Variants in POLA1 observed in about 807,000 individuals in gnomAD.
POLA1 encodes the protein DNA polymerase alpha catalytic subunit.
In POLA1, 15 loss-of-function variants were observed where a neutral mutation model predicts 124.0. The ratio of observed to expected loss-of-function variants is 0.12; its 90% confidence interval spans 0.08 to 0.19. The LOEUF (loss-of-function observed/expected upper bound fraction) is 0.19. Ranked by LOEUF, POLA1 falls within the 10% of genes least tolerant of loss-of-function variation. The pLI is 1.00. For missense variants in POLA1, 886 were observed against 1,103.4 expected (o/e 0.80, Z 2.79); for synonymous variants, 408 against 389.4 (o/e 1.05, Z -0.56).
At chrX:24,884,333 G>A (rs1008881772) in intron 34 of POLA1, among the ~76,000 whole-genome samples, 1 of 110,840 alleles carries the variant, frequency 9.0e-6, no homozygotes, top group Non-Finnish European at 1.9e-5. Flanking sequence ...ATTTTTGGTA[G>A]AGACAGGGTT....
intron 34 of POLA1, among the ~76,000 whole-genome samples, chrX:24,847,876 G>A (rs2046497076): frequency 8.9e-6 from 1 of 111,972 alleles, no homozygotes; most frequent in Non-Finnish European, 1.9e-5. Flanking sequence ...TGGCCTACAG[G>A]ATTCTTGGGT....
chrX:24,808,306 C>G (rs2045839213), intron 26 of POLA1, among the ~76,000 whole-genome samples: 1 of 111,274 alleles, frequency 9.0e-6, no homozygotes, highest in Non-Finnish European at 1.9e-5. Flanking sequence ...CACCGCCTGC[C>G]CCCTCAAATC....
chrX:24,752,389 G>T (rs1451931664), intron 26 of POLA1, among the ~76,000 whole-genome samples: 1 of 112,066 alleles, frequency 8.9e-6, no homozygotes, highest in Non-Finnish European at 1.9e-5. Flanking sequence ...CAGTGTGTAC[G>T]TTATTTAAAA....
chrX:24,824,385 C>G (rs1242646348), intron 31 of POLA1, among the ~76,000 whole-genome samples: 2 of 109,041 alleles, frequency 1.8e-5, no homozygotes, highest in Non-Finnish European at 3.8e-5. Context: ...CTTTATCTCC[C>G]AGGCTCAAAT....
chrX:24,858,928 C>G (rs1483422297), intron 34 of POLA1, among the ~76,000 whole-genome samples: 1 of 111,733 alleles, frequency 8.9e-6, no homozygotes, highest in Non-Finnish European at 1.9e-5. Context: ...TTGCAGTTTT[C>G]AAAGCATTTT....
intron 33 of POLA1, among the ~76,000 whole-genome samples, chrX:24,842,939 C>G (rs776293900): frequency 9.8e-5 from 11 of 111,925 alleles, no homozygotes; most frequent in Non-Finnish European, 1.9e-4. Flanking sequence ...AAAATGTTTT[C>G]TCCAAATATT....
intron 32 of POLA1, among the ~76,000 whole-genome samples, chrX:24,830,603 A>G (rs1055339071): frequency 8.9e-6 from 1 of 111,763 alleles, no homozygotes; most frequent in Admixed American, 9.5e-5. Context: ...CAATAGCCCT[A>G]TGGGAAACAT....
intron 36 of POLA1, among the ~76,000 whole-genome samples, chrX:24,983,157 G>A (rs1464469590): frequency 8.9e-6 from 1 of 111,985 alleles, no homozygotes; most frequent in Non-Finnish European, 1.9e-5. Context: ...TGATCCTAAT[G>A]AAGGCAGGCA....
intron 36 of POLA1, among the ~76,000 whole-genome samples, chrX:24,956,279 C>G (rs1266272070): frequency 9.1e-6 from 1 of 109,332 alleles, no homozygotes; most frequent in Admixed American, 9.8e-5. Flanking sequence ...GGTGACAAAG[C>G]AAGACCCTGT....
intron 22 of POLA1, 49 bp downstream of exon 22, chrX:24,742,170 C>CCG: frequency 1.3e-6 from 1 of 755,446 alleles, no homozygotes; most frequent in African/African-American, 2.3e-5. Context: ...CCCCCCCCCC[C>CCG]CTTTTAATAC....
chrX:24,904,030 G>A (rs1479315427), intron 35 of POLA1, among the ~76,000 whole-genome samples: 1 of 107,203 alleles, frequency 9.3e-6, no homozygotes, highest in African/African-American at 3.4e-5. Flanking sequence ...AATCTCCTGG[G>A]CTCCAGTGTT....
chrX:24,833,070 C>T (rs1329510578), intron 32 of POLA1, among the ~76,000 whole-genome samples: 2 of 110,676 alleles, frequency 1.8e-5, no homozygotes, highest in Non-Finnish European at 3.8e-5. Flanking sequence ...TCCCACCTTT[C>T]CCCCCAAGTC....
At chrX:24,708,043 GA>G (rs764891826) in intron 4 of POLA1, among the ~76,000 whole-genome samples, 1 of 111,849 alleles carries the variant, frequency 8.9e-6, no homozygotes, top group South Asian at 3.8e-4. Flanking sequence ...AAATTAGCAG[GA>G]AAATGCAATA....
intron 10 of POLA1, among the ~76,000 whole-genome samples, chrX:24,718,746 A>G (rs1930010577): frequency 9.0e-6 from 1 of 111,510 alleles, no homozygotes; most frequent in Non-Finnish European, 1.9e-5. Context: ...GGTGTAGGGT[A>G]ATGGGGAAGT....
At chrX:24,956,519 C>T (rs1019096231) in intron 36 of POLA1, among the ~76,000 whole-genome samples, 7 of 110,065 alleles carry the variant, frequency 6.4e-5, no homozygotes, top group African/African-American at 2.0e-4. Context: ...TTAGTATTCC[C>T]GGGGTAACAA....
intron 36 of POLA1, among the ~76,000 whole-genome samples, chrX:24,979,639 C>G (rs775179108): frequency 8.0e-5 from 9 of 112,278 alleles, no homozygotes; most frequent in Non-Finnish European, 1.7e-4. Flanking sequence ...TGTCCACTTT[C>G]TCCTCATCTT....
At chrX:24,694,082 C>A in intron 1 of POLA1, 78 bp downstream of exon 1, 1 of 961,599 alleles carries the variant, frequency 1.0e-6, no homozygotes, top group Non-Finnish European at 1.4e-6. Context: ...CTGAGGGAGG[C>A]GCACACCCGG....
intron 24 of POLA1, among the ~76,000 whole-genome samples, chrX:24,746,083 GT>G (rs1228918620): frequency 2.7e-5 from 3 of 111,033 alleles, no homozygotes; most frequent in African/African-American, 9.8e-5. Flanking sequence ...GAAGATGTCT[GT>G]TTGCCCTCTA....
rs1032748799 is a variant in POLA1 at position 24,891,131 on chromosome X, A to G, written c.4164+3009A>G. ...AGGATGATGTTGATAGTGGTTTAGTATATCAGGTTATCTTTTAACATTTAT... is the reference window on the plus strand; with the variant it reads ...AGGATGATGTTGATAGTGGTTTAGTGTATCAGGTTATCTTTTAACATTTAT... On this transcript the variant is annotated intron_variant, in intron 35 of 36. Coordinates refer to ENST00000379068, the MANE Select transcript of POLA1 (RefSeq NM_001330360.2). 2.7e-5 allele frequency among the ~76,000 whole-genome samples: 3 copies of G among 112,455 alleles called. No individual in the cohort carries two copies. The South Asian group carries it at 1.1e-3, about 41-fold the overall frequency.
Sources: gnomAD v4.1 joint callset for allele counts (sites outside exome capture counted in the v4.1 genomes callset) on GRCh38, gnomAD v4.1.1 for gene constraint, MANE v1.5 for transcripts, NCBI Gene and HGNC (gene_info 2026-07-23, HGNC 2026-07-21) for gene names.